The following DPP6 variants were observed in gnomAD, a reference collection of about 807,000 sequenced individuals.
DPP6 encodes dipeptidyl peptidase like 6.
DPP6 carries 69 observed loss-of-function variants against 122.6 expected under a neutral mutation model. The ratio of observed to expected loss-of-function variants is 0.56; its 90% confidence interval spans 0.46 to 0.69. The LOEUF is 0.69. Ranked by LOEUF, DPP6 falls within the 30% of genes least tolerant of loss-of-function variation. The pLI, the probability that DPP6 is intolerant of heterozygous loss-of-function variation, is 0.00. For missense variants in DPP6, 928 were observed against 1,116.9 expected, an observed-to-expected ratio of 0.83 and a Z score of 2.41; for synonymous variants, 418 against 433.1, an observed-to-expected ratio of 0.97 and a Z score of 0.43.
rs549389753 is a variant in DPP6, at chr7:154,663,165, G to C, written c.681-6195G>C. Among the ~76,000 whole-genome samples the C allele has an allele frequency of 1.8e-4, 13 of 73,960 alleles. 5 individuals are homozygous for C. The highest frequency in any genetic ancestry group is 4.2e-4 in the Non-Finnish European group (12 of 28,760). The allele number at this position is 73,960 out of a possible 152,430, so 48.5% of individuals were successfully genotyped here. On this transcript the variant is annotated intron_variant, in intron 6 of 25. Coordinates refer to ENST00000377770, the MANE Select transcript of DPP6 (RefSeq NM_130797.4). ...CGCAGTCATGGTGAATCACCATGGCGTATTGGCGGTAGTGTTCATATAGTC... is the reference window on the plus strand; with the variant it reads ...CGCAGTCATGGTGAATCACCATGGCCTATTGGCGGTAGTGTTCATATAGTC...
intron 3 of DPP6, among the ~76,000 whole-genome samples, chr7:154,527,011 G>A (rs555931690): frequency 5.3e-5 from 8 of 152,230 alleles, no homozygotes; most frequent in Non-Finnish European, 1.2e-4. Flanking sequence ...CAAAAGGGAT[G>A]AAATGAAAGA....
At chr7:153,812,230 C>T in the DPP6 span, among the ~76,000 whole-genome samples, 6 of 152,184 alleles carry the variant, frequency 3.9e-5, no homozygotes, top group East Asian at 5.8e-4. Context: ...CCAGCCAGGT[C>T]GATTCTTCTT....
chr7:154,200,766 G>A (rs991446261), intron 1 of DPP6, among the ~76,000 whole-genome samples: 2 of 152,100 alleles, frequency 1.3e-5, no homozygotes, highest in African/African-American at 4.8e-5. Flanking sequence ...TTTAGAATAC[G>A]GAAATGCAAG....
At chr7:153,756,209 C>T in the DPP6 span, among the ~76,000 whole-genome samples, 1 of 151,742 alleles carries the variant, frequency 6.6e-6, no homozygotes, top group African/African-American at 2.4e-5. Flanking sequence ...CAGGTTCCCT[C>T]ATCCTGACCA....
intron 1 of DPP6, among the ~76,000 whole-genome samples, chr7:154,426,590 G>A (rs1321829728): frequency 6.6e-6 from 1 of 152,064 alleles, no homozygotes; most frequent in Admixed American, 6.6e-5. Flanking sequence ...ACATACAAGT[G>A]GAAGGTTTCT....
At chr7:153,763,696 G>A in the DPP6 span, among the ~76,000 whole-genome samples, 1 of 152,214 alleles carries the variant, frequency 6.6e-6, no homozygotes, top group Non-Finnish European at 1.5e-5. Context: ...TGGGCGTTTT[G>A]TGGCAATTGG....
intron 1 of DPP6, among the ~76,000 whole-genome samples, chr7:153,905,983 C>G (rs896077149): frequency 6.6e-6 from 1 of 152,080 alleles, no homozygotes; most frequent in Non-Finnish European, 1.5e-5. Context: ...AAAGTTGGAA[C>G]AAAATAAACC....
chr7:154,405,063 A>G (rs371584067), intron 1 of DPP6, among the ~76,000 whole-genome samples: 9 of 152,244 alleles, frequency 5.9e-5, no homozygotes, highest in African/African-American at 1.7e-4. Flanking sequence ...GCAAATGCAT[A>G]TATTTATATG....
At chr7:154,577,080 C>T (rs36189709) in intron 5 of DPP6, among the ~76,000 whole-genome samples, 35,501 of 151,746 alleles carry the variant, frequency 0.23, 4,458 homozygotes, top group Admixed American at 0.34. Context: ...ATATGAAGGA[C>T]GGGTCAAGGG....
the DPP6 span, among the ~76,000 whole-genome samples, chr7:153,772,616 G>C: frequency 5.3e-5 from 8 of 151,926 alleles, 1 homozygote; most frequent in Non-Finnish European, 7.4e-5. Flanking sequence ...TTAATCCAAA[G>C]AGATCAACTG....
chr7:154,532,817 A>G (rs1827950596), intron 3 of DPP6, among the ~76,000 whole-genome samples: 1 of 152,134 alleles, frequency 6.6e-6, no homozygotes, highest in Non-Finnish European at 1.5e-5. Context: ...ATATACTACC[A>G]AAAAATATGG....
chr7:154,812,883 T>C (rs944063016), intron 16 of DPP6, among the ~76,000 whole-genome samples: 4 of 152,198 alleles, frequency 2.6e-5, no homozygotes, highest in Admixed American at 2.6e-4. Flanking sequence ...GCAGTATCAA[T>C]GTGTGCTTTC....
At chr7:154,239,992 T>TAAAAAAAAAAAA (rs763543397) in intron 1 of DPP6, among the ~76,000 whole-genome samples, 2 of 50,398 alleles carry the variant, frequency 4.0e-5, no homozygotes, top group African/African-American at 1.2e-4. Context: ...ATGCTGTCTT[T>TAAAAAAAAAAAA]AAAAAAAAAA....
intron 7 of DPP6, among the ~76,000 whole-genome samples, chr7:154,675,047 A>T (rs1838799215): frequency 6.6e-6 from 1 of 152,224 alleles, no homozygotes; most frequent in Admixed American, 6.5e-5. Context: ...ATCCTGGAAT[A>T]GTTTTCCACA....
chr7:153,979,761 T>C (rs1472758387), intron 1 of DPP6, among the ~76,000 whole-genome samples: 1 of 152,220 alleles, frequency 6.6e-6, no homozygotes, highest in Admixed American at 6.5e-5. Flanking sequence ...TGAGGGGGTG[T>C]TGAATTTTAT....
At chr7:154,595,316 A>C (rs1833030408) in intron 5 of DPP6, among the ~76,000 whole-genome samples, 1 of 152,070 alleles carries the variant, frequency 6.6e-6, no homozygotes, top group Non-Finnish European at 1.5e-5. Context: ...TGCTTTAGAG[A>C]AAGAGTCCTG....
At chr7:154,469,730 C>A (rs1822098983) in intron 2 of DPP6, among the ~76,000 whole-genome samples, 1 of 152,178 alleles carries the variant, frequency 6.6e-6, no homozygotes, top group African/African-American at 2.4e-5. Context: ...TGGATTCTAC[C>A]TCTTTTACTT....
intron 19 of DPP6, among the ~76,000 whole-genome samples, chr7:154,873,884 GCA>G (rs199683789): frequency 0.039 from 4,927 of 127,396 alleles, 238 homozygotes; most frequent in African/African-American, 0.13. Flanking sequence ...GCACACACAT[GCA>G]CACACACGCA....
At chr7:154,768,845 A>G (rs892277566) in intron 8 of DPP6, among the ~76,000 whole-genome samples, 1 of 152,190 alleles carries the variant, frequency 6.6e-6, no homozygotes, top group African/African-American at 2.4e-5. Flanking sequence ...AAGAAGCCAC[A>G]CAGAGTGAGC....
Sources: gnomAD v4.1 joint callset for allele counts (sites outside exome capture counted in the v4.1 genomes callset) on GRCh38, gnomAD v4.1.1 for gene constraint, MANE v1.5 for transcripts, NCBI Gene and HGNC (gene_info 2026-07-23, HGNC 2026-07-21) for gene names.